Variants in TRIO observed in about 807,000 individuals in gnomAD.
TRIO encodes the protein triple functional domain protein.
TRIO carries 58 observed loss-of-function variants against 351.9 expected under a neutral mutation model. The observed-to-expected ratio is 0.16, with a 90% CI of 0.13 to 0.21. The LOEUF (loss-of-function observed/expected upper bound fraction) is 0.21. TRIO is among the 10% of genes least tolerant of loss of function. The pLI is 1.00. For synonymous variants in TRIO, 1,758 were observed against 1,595.7 expected, an observed-to-expected ratio of 1.10 and a Z score of -2.42; for missense variants, 3,201 against 4,027.8, an observed-to-expected ratio of 0.79 and a Z score of 5.56.
At chr5:14,450,823 G>A (rs1400850200) in intron 34 of TRIO, among the ~76,000 whole-genome samples, 1 of 152,208 alleles carries the variant, frequency 6.6e-6, no homozygotes, top group African/African-American at 2.4e-5. Context: ...TATGTGCAGA[G>A]AAGGAGAGAA....
rs187712580 is a variant in TRIO at position 14,360,187 on chromosome 5, A to T, written c.2391+656A>T. Among the ~76,000 whole-genome samples the T allele has an allele frequency of 2.8e-3, 426 of 152,318 alleles. 1 individual carries two copies. Among genetic ancestry groups the T allele is most frequent in the Non-Finnish European group, 4.4e-3 (300 of 68,032 alleles). On this transcript the variant is annotated intron_variant, in intron 13 of 56. Coordinates refer to ENST00000344204, the MANE Select transcript of TRIO (RefSeq NM_007118.4). ...AAGAGGTGTTCTTAGATTATCCATG[A>T]TTCTTACCTAAACGTGGACTTTTGC...
In TRIO at chr5:14,387,641, C is replaced by T; in HGVS notation, c.3765+9C>T. 6.2e-7 allele frequency: 1 copy of T among 1,609,516 alleles called. No homozygotes were observed. Among genetic ancestry groups the T allele is most frequent in the Non-Finnish European group, 8.5e-7 (1 of 1,176,644 alleles). ...CAGATTCCAACAAATCGGTAAATGG[C>T]CTTGTGCAAACTGAATAAATTATGG... On this transcript the variant is annotated intron_variant, in intron 22 of 56. Coordinates refer to ENST00000344204, the MANE Select transcript of TRIO (RefSeq NM_007118.4).
At chr5:14,212,260 G>A (rs568004402) in intron 1 of TRIO, among the ~76,000 whole-genome samples, 4 of 152,262 alleles carry the variant, frequency 2.6e-5, no homozygotes, top group South Asian at 2.1e-4. Context: ...ATCCCTATAA[G>A]GACCAACAGG....
chr5:14,350,451 A>G (rs779080460), intron 11 of TRIO, among the ~76,000 whole-genome samples: 1 of 152,158 alleles, frequency 6.6e-6, no homozygotes, highest in South Asian at 2.1e-4. Flanking sequence ...TAGACTTGAT[A>G]CTGTTTGGTT....
At chr5:14,260,440 G>T (rs948293324) in intron 1 of TRIO, among the ~76,000 whole-genome samples, 2 of 152,176 alleles carry the variant, frequency 1.3e-5, no homozygotes, top group African/African-American at 4.8e-5. Flanking sequence ...AATCTCTGGG[G>T]TTTAAGAGAG....
chr5:14,399,794 G>A (rs571770121), intron 30 of TRIO, among the ~76,000 whole-genome samples: 3 of 152,288 alleles, frequency 2.0e-5, no homozygotes, highest in Admixed American at 6.5e-5. Flanking sequence ...TTAGTGGGCC[G>A]TTTCTCAGAG....
intron 1 of TRIO, among the ~76,000 whole-genome samples, chr5:14,236,637 T>G (rs1342702252): frequency 2.0e-5 from 3 of 152,234 alleles, no homozygotes; most frequent in Non-Finnish European, 4.4e-5. Context: ...AAATAACCAA[T>G]TACTCTTTTG....
intron 52 of TRIO, 106 bp downstream of exon 52, chr5:14,498,357 G>A (rs1036211702): frequency 4.8e-5 from 73 of 1,525,288 alleles, no homozygotes; most frequent in Middle Eastern, 2.2e-4. Flanking sequence ...GGCTGCCTTC[G>A]GCACTCCACT....
At chr5:14,232,616 T>G (rs558578544) in intron 1 of TRIO, among the ~76,000 whole-genome samples, 23 of 152,362 alleles carry the variant, frequency 1.5e-4, no homozygotes, top group African/African-American at 5.3e-4. Flanking sequence ...TTCATACTTT[T>G]GTCCACCATG....
intron 1 of TRIO, among the ~76,000 whole-genome samples, chr5:14,149,769 G>T (rs951349109): frequency 1.2e-4 from 18 of 152,204 alleles, no homozygotes; most frequent in Non-Finnish European, 2.4e-4. Context: ...TGTTTTGGAG[G>T]CATCTTCCTA....
intron 7 of TRIO, among the ~76,000 whole-genome samples, chr5:14,301,309 G>C (rs1737861717): frequency 1.3e-5 from 2 of 152,028 alleles, no homozygotes; most frequent in African/African-American, 2.4e-5. Context: ...AGGATCCCCA[G>C]ATCTGAAGCA....
chr5:14,377,758 A>G (rs1745691270), intron 19 of TRIO, among the ~76,000 whole-genome samples: 1 of 152,116 alleles, frequency 6.6e-6, no homozygotes, highest in Admixed American at 6.5e-5. Context: ...CCACGAATCC[A>G]TCCAGCCGGA....
chr5:14,507,382 G>A, intron 56 of TRIO, 122 bp downstream of exon 56: 1 of 1,404,520 alleles, frequency 7.1e-7, no homozygotes, highest in Non-Finnish European at 9.6e-7. Flanking sequence ...AAAAGGGTGG[G>A]TGGGGCAGCG....
intron 30 of TRIO, 29 bp from the exon 31 acceptor site, chr5:14,400,934 C>A (rs748252470): frequency 6.2e-7 from 1 of 1,604,398 alleles, no homozygotes; most frequent in Non-Finnish European, 8.5e-7. Flanking sequence ...TTTACTGTCA[C>A]CTAATTATAT....
At chr5:14,234,861 A>G (rs1366441641) in intron 1 of TRIO, among the ~76,000 whole-genome samples, 5 of 152,254 alleles carry the variant, frequency 3.3e-5, no homozygotes, top group Admixed American at 3.3e-4. Context: ...CATCTAATCT[A>G]CAAAACTAGA....
intron 2 of TRIO, among the ~76,000 whole-genome samples, chr5:14,277,243 T>C (rs540429133): frequency 6.6e-6 from 1 of 152,174 alleles, no homozygotes; most frequent in African/African-American, 2.4e-5. Context: ...AGGTAAGAAG[T>C]GCCTTAGAGA....
rs1790502239 is a variant in TRIO at position 14,192,216 on chromosome 5, T to C, written c.157+48334T>C. 2.6e-5 allele frequency among the ~76,000 whole-genome samples: 4 copies of C among 152,124 alleles called. No individual in the cohort carries two copies. The South Asian group carries it at 8.3e-4, about 32-fold the overall frequency. Reference sequence around the variant, plus strand: ...GGACGCCAAGGAGGTTTCCAAATTATTTATTTTACAAACTCTTACTTTATT... The same window carrying C: ...GGACGCCAAGGAGGTTTCCAAATTACTTATTTTACAAACTCTTACTTTATT... On this transcript the variant is annotated intron_variant, in intron 1 of 56. Transcript: ENST00000344204.
At chr5:14,168,013 A>G (rs768879659) in intron 1 of TRIO, among the ~76,000 whole-genome samples, 9 of 152,216 alleles carry the variant, frequency 5.9e-5, no homozygotes, top group Admixed American at 1.3e-4. Flanking sequence ...GGAAGAAGCT[A>G]AGATGGGGTT....
intron 10 of TRIO, among the ~76,000 whole-genome samples, chr5:14,334,674 T>G (rs1372960600): frequency 6.6e-6 from 1 of 152,208 alleles, no homozygotes; most frequent in Non-Finnish European, 1.5e-5. Context: ...ACCGTTAGCT[T>G]CATTCAGCAT....
Sources: allele counts gnomAD v4.1 joint callset (sites outside exome capture counted in the v4.1 genomes callset), GRCh38; gene constraint gnomAD v4.1.1; transcripts MANE v1.5; gene names NCBI Gene and HGNC (gene_info 2026-07-23, HGNC 2026-07-21).